The following PAK5 variants were observed in gnomAD, a reference collection of about 807,000 sequenced individuals.
The protein encoded by PAK5 is serine/threonine-protein kinase PAK 5.
PAK5 carries 16 observed loss-of-function variants against 65.9 expected under a neutral mutation model. That is an observed-to-expected ratio of 0.24 (90% confidence interval 0.16 to 0.37). The LOEUF is 0.37. PAK5 is among the 10% of genes least tolerant of loss of function. PAK5 has a pLI of 1.00. For missense variants in PAK5, 785 were observed against 903.9 expected (o/e 0.87, Z 1.69); for synonymous variants, 371 against 354.9 (o/e 1.05, Z -0.51).
At chr20:9,594,578 A>G (rs1241893890) in intron 3 of PAK5, among the ~76,000 whole-genome samples, 2 of 152,236 alleles carry the variant, frequency 1.3e-5, no homozygotes. Flanking sequence ...TGTCTTGCAC[A>G]TAGATGTGTT....
chr20:9,824,139 A>G (rs1340954894), intron 1 of PAK5, among the ~76,000 whole-genome samples: 1 of 152,228 alleles, frequency 6.6e-6, no homozygotes, highest in African/African-American at 2.4e-5. Flanking sequence ...AACCAAACAA[A>G]AAACTGAACA....
intron 3 of PAK5, among the ~76,000 whole-genome samples, chr20:9,596,448 A>C (rs2046267150): frequency 6.6e-6 from 1 of 152,032 alleles, no homozygotes; most frequent in African/African-American, 2.4e-5. Flanking sequence ...CATCCTGGCT[A>C]ACACAGTGAA....
chr20:9,778,028 C>T (rs761804970), intron 1 of PAK5, among the ~76,000 whole-genome samples: 2 of 152,090 alleles, frequency 1.3e-5, no homozygotes, highest in Admixed American at 6.5e-5. Context: ...AATACAGTTC[C>T]CTTCACAAAT....
chr20:9,696,282 T>C (rs1569045121), intron 2 of PAK5, among the ~76,000 whole-genome samples: 1 of 152,080 alleles, frequency 6.6e-6, no homozygotes, highest in South Asian at 2.1e-4. Flanking sequence ...TCACTGGGGA[T>C]TGGGAGAAAT....
intron 2 of PAK5, among the ~76,000 whole-genome samples, chr20:9,660,777 G>C (rs1490214814): frequency 6.6e-6 from 1 of 152,040 alleles, no homozygotes; most frequent in Non-Finnish European, 1.5e-5. Context: ...GGATATTCCT[G>C]GTGGGTTCAA....
intron 2 of PAK5, among the ~76,000 whole-genome samples, chr20:9,677,807 T>C (rs1033929858): frequency 4.6e-5 from 7 of 152,250 alleles, no homozygotes; most frequent in African/African-American, 1.4e-4. Context: ...TTAAATATCA[T>C]AGGACAGTAT....
At chr20:9,826,093 T>A (rs1600416139) in intron 1 of PAK5, among the ~76,000 whole-genome samples, 1 of 152,260 alleles carries the variant, frequency 6.6e-6, no homozygotes, top group South Asian at 2.1e-4. Context: ...CTACAGCAAA[T>A]GATTGCCATG....
In PAK5 at chr20:9,550,931, G is replaced by C. The variant is rs940505922; in HGVS notation, c.1744-6437C>G. On this transcript the variant is annotated intron_variant, in intron 7 of 9. Transcript: ENST00000353224. ...GCAGTTTTAAATTTCAGTATATCTA[G>C]TGTGGGTTTCTCTTTGCTGGCAGGA... Among the ~76,000 whole-genome samples, 13 of 152,036 alleles carry C rather than the reference G, an allele frequency of 8.6e-5. 1 individual carries two copies. Among genetic ancestry groups the C allele is most frequent in the African/African-American group, 2.9e-4 (12 of 41,364 alleles).
At chr20:9,548,468 G>A (rs967371867) in intron 7 of PAK5, among the ~76,000 whole-genome samples, 5 of 151,844 alleles carry the variant, frequency 3.3e-5, no homozygotes, top group Admixed American at 1.3e-4. Context: ...ATGCTGGTGC[G>A]CTGCACCCTC....
At chr20:9,693,065 A>C (rs919631758) in intron 2 of PAK5, among the ~76,000 whole-genome samples, 1 of 152,166 alleles carries the variant, frequency 6.6e-6, no homozygotes, top group Admixed American at 6.6e-5. Flanking sequence ...TTTCCACTTT[A>C]TTCTGAGTGT....
chr20:9,639,108 T>C (rs1472709844), intron 3 of PAK5, among the ~76,000 whole-genome samples: 2 of 152,210 alleles, frequency 1.3e-5, no homozygotes, highest in African/African-American at 2.4e-5. Flanking sequence ...TCAAGGACTT[T>C]TTTGACTTCT....
intron 3 of PAK5, among the ~76,000 whole-genome samples, chr20:9,597,640 C>T (rs574644495): frequency 1.5e-4 from 23 of 152,336 alleles, no homozygotes; most frequent in Non-Finnish European, 2.8e-4. Flanking sequence ...TTTCCCTTTC[C>T]CTTGACTTTG....
At chr20:9,591,170 C>T (rs1385875791) in intron 3 of PAK5, among the ~76,000 whole-genome samples, 1 of 152,114 alleles carries the variant, frequency 6.6e-6, no homozygotes, top group Non-Finnish European at 1.5e-5. Context: ...ATTATTACCC[C>T]TTTATAAGAA....
At chr20:9,675,724 T>G (rs531971821) in intron 2 of PAK5, among the ~76,000 whole-genome samples, 7 of 152,186 alleles carry the variant, frequency 4.6e-5, no homozygotes, top group Non-Finnish European at 8.8e-5. Context: ...AAAATTAACA[T>G]TTATGAGAGG....
chr20:9,831,810 C>T (rs534741253), intron 1 of PAK5, among the ~76,000 whole-genome samples: 1 of 152,276 alleles, frequency 6.6e-6, no homozygotes, highest in South Asian at 2.1e-4. Flanking sequence ...GCCCGGCCTA[C>T]TACATTTTTT....
intron 3 of PAK5, among the ~76,000 whole-genome samples, chr20:9,600,006 T>C (rs942407900): frequency 1.3e-5 from 2 of 152,178 alleles, no homozygotes; most frequent in Non-Finnish European, 2.9e-5. Context: ...TTTTGACCCA[T>C]TTTGAGTTAA....
chr20:9,736,469 T>TA (rs1334206711), intron 1 of PAK5, among the ~76,000 whole-genome samples: 1 of 152,206 alleles, frequency 6.6e-6, no homozygotes, highest in African/African-American at 2.4e-5. Context: ...AAAAATTTTT[T>TA]AAGTTTATTG....
At chr20:9,817,603 A>G (rs1217196240) in intron 1 of PAK5, among the ~76,000 whole-genome samples, 1 of 152,234 alleles carries the variant, frequency 6.6e-6, no homozygotes, top group African/African-American at 2.4e-5. Flanking sequence ...AGTAAATCAG[A>G]GTCACATTTT....
In PAK5 at chr20:9,559,058, A is replaced by G. The variant is rs143583261; in HGVS notation, c.1617-1324T>C. ...ACCACTTGAATGAATGGATTTTCCT[A>G]ATGAGTGAAATAGTTCAGCCACAGA... On this transcript the variant is annotated intron_variant, in intron 6 of 9. Transcript: ENST00000353224. 6.6e-3 allele frequency among the ~76,000 whole-genome samples: 1,011 copies of G among 152,308 alleles called. 16 individuals are homozygous for G. Among genetic ancestry groups the G allele is most frequent in the Middle Eastern group, 0.021 (6 of 292 alleles).
Sources: allele counts gnomAD v4.1 joint callset (sites outside exome capture counted in the v4.1 genomes callset), GRCh38; gene constraint gnomAD v4.1.1; transcripts MANE v1.5; gene names NCBI Gene and HGNC (gene_info 2026-07-23, HGNC 2026-07-21).